PDE4D: variants seen among roughly 807,000 people sequenced by gnomAD.
PDE4D encodes the protein phosphodiesterase 4D.
PDE4D carries 24 observed loss-of-function variants against 87.4 expected under a neutral mutation model. The ratio of observed to expected loss-of-function variants is 0.27; its 90% CI spans 0.20 to 0.39. The LOEUF (loss-of-function observed/expected upper bound fraction) is 0.39, where lower values mean the gene tolerates loss of function less well. PDE4D is among the 10% of genes least tolerant of loss of function. The probability of loss-of-function intolerance (pLI) is 1.00; values close to 1 mark genes in which losing one functional copy is unlikely to be tolerated. For missense variants in PDE4D, 714 were observed against 1,041.0 expected (o/e 0.69, Z 4.32); for synonymous variants, 384 against 383.2 (o/e 1.00, Z -0.02).
intron 1 of PDE4D, among the ~76,000 whole-genome samples, chr5:59,651,964 T>C (rs933154317): frequency 6.6e-6 from 1 of 152,212 alleles, no homozygotes; most frequent in Non-Finnish European, 1.5e-5. Flanking sequence ...TTCCAGCATC[T>C]ACTATCAAGT....
Position 59,893,681 on chromosome 5 carries a change from G to C in PDE4D, c.-59C>G, listed in dbSNP as rs1030073056. ...CCGGGTTCACCGCGCTGGCCCGAGCGCCTTCCTGATGCTGCTGCTGCTGCT... is the reference window on the plus strand; with the variant it reads ...CCGGGTTCACCGCGCTGGCCCGAGCCCCTTCCTGATGCTGCTGCTGCTGCT... On this transcript the variant is annotated 5_prime_UTR_variant, in exon 1 of 15. Transcript: ENST00000340635. The C allele has an allele frequency of 3.4e-5, 47 of 1,400,624 alleles. No homozygotes were observed. The highest frequency in any genetic ancestry group is 2.3e-4 in the Middle Eastern group (1 of 4,406). The allele number at this position is 1,400,624 out of a possible 1,614,324, so 86.8% of individuals were successfully genotyped here. A position where few individuals can be genotyped will look rare whatever the true frequency, so the allele number is the denominator to read the frequency against.
chr5:59,683,169 G>A (rs1373066773), intron 1 of PDE4D, among the ~76,000 whole-genome samples: 1 of 152,178 alleles, frequency 6.6e-6, no homozygotes, highest in African/African-American at 2.4e-5. Flanking sequence ...TATCATGTCT[G>A]CAACTTGCTC....
At chr5:60,258,865 A>G (rs1205337054) in intron 1 of PDE4D, among the ~76,000 whole-genome samples, 1 of 151,980 alleles carries the variant, frequency 6.6e-6, no homozygotes, top group Non-Finnish European at 1.5e-5. Flanking sequence ...GTTTCAAATG[A>G]AAAAAATCAG....
chr5:58,982,055 C>CTGAT (rs1341356147), intron 11 of PDE4D, among the ~76,000 whole-genome samples: 2 of 152,128 alleles, frequency 1.3e-5, no homozygotes, highest in Non-Finnish European at 2.9e-5. Flanking sequence ...GTTGTGTCTC[C>CTGAT]TGATAGAAGC....
At chr5:59,916,458 A>G (rs1754054099) in intron 3 of PDE4D, among the ~76,000 whole-genome samples, 1 of 152,238 alleles carries the variant, frequency 6.6e-6, no homozygotes, top group Non-Finnish European at 1.5e-5. Flanking sequence ...ACAATAAGAC[A>G]TATAATAACT....
At position 59,917,906 on chromosome 5, in the gene PDE4D, C is replaced by A. The variant is rs138241237; in HGVS notation, c.272+70582G>T. On this transcript the variant is annotated intron_variant, in intron 3 of 16. Coordinates refer to the PDE4D transcript ENST00000502484. The stretch of plus-strand genomic sequence containing the variant: ...AATATAGAATAAAATGTTACGATTG[C>A]ATCTCTTTTTACAAACTGCTATAAA... 1.0e-3 allele frequency among the ~76,000 whole-genome samples: 153 copies of A among 152,044 alleles called. 1 individual carries two copies. Among genetic ancestry groups the A allele is most frequent in the African/African-American group, 3.6e-3 (149 of 41,528 alleles).
intron 5 of PDE4D, among the ~76,000 whole-genome samples, chr5:59,144,572 T>C (rs958365377): frequency 6.6e-6 from 1 of 152,192 alleles, no homozygotes; most frequent in African/African-American, 2.4e-5. Flanking sequence ...ATTAGCTTCA[T>C]AGTTAATTGG....
intron 2 of PDE4D, among the ~76,000 whole-genome samples, chr5:60,176,765 G>A (rs1783937116): frequency 6.6e-6 from 1 of 152,142 alleles, no homozygotes; most frequent in African/African-American, 2.4e-5. Flanking sequence ...GTTAAGGTCT[G>A]TGTCTGGAAC....
intron 1 of PDE4D, among the ~76,000 whole-genome samples, chr5:59,870,702 G>A (rs1441320580): frequency 1.3e-5 from 2 of 152,170 alleles, no homozygotes; most frequent in Non-Finnish European, 2.9e-5. Flanking sequence ...GCTCATTTGG[G>A]ATCACAAACG....
intron 1 of PDE4D, among the ~76,000 whole-genome samples, chr5:59,615,950 T>C (rs927738484): frequency 3.3e-5 from 5 of 152,084 alleles, no homozygotes; most frequent in African/African-American, 1.2e-4. Context: ...GTATTTTCCA[T>C]AAGCATCCAC....
intron 2 of PDE4D, among the ~76,000 whole-genome samples, chr5:60,129,911 T>C (rs1309991455): frequency 6.6e-6 from 1 of 152,156 alleles, no homozygotes; most frequent in South Asian, 2.1e-4. Context: ...CCAAAACTCA[T>C]CTGCTGAAAC....
At chr5:59,440,495 C>T (rs1360867199) in intron 1 of PDE4D, among the ~76,000 whole-genome samples, 2 of 152,134 alleles carry the variant, frequency 1.3e-5, no homozygotes, top group Admixed American at 6.5e-5. Context: ...TTTCATGTAA[C>T]ACTGGTCGCG....
rs1743037574 is a variant in PDE4D, at chr5:58,973,694, T to G, written c.*970A>C. ...TGATATAACACACATAAAAGTATTA[T>G]AGAACAAATAGTCACTTTGCACATG... On this transcript the variant is annotated 3_prime_UTR_variant, in exon 15 of 15. Transcript: ENST00000340635. 1 of 152,562 alleles carries G rather than the reference T, an allele frequency of 6.6e-6. No homozygotes were observed. Among genetic ancestry groups the G allele is most frequent in the Non-Finnish European group, 1.5e-5 (1 of 68,022 alleles). The allele number at this position is 152,562 out of a possible 1,614,324, so 9.5% of individuals were successfully genotyped here. A position where few individuals can be genotyped will look rare whatever the true frequency, so the allele number is the denominator to read the frequency against.
chr5:60,282,634 C>A (rs1438850338), intron 1 of PDE4D, among the ~76,000 whole-genome samples: 1 of 152,142 alleles, frequency 6.6e-6, no homozygotes, highest in Non-Finnish European at 1.5e-5. Flanking sequence ...TGGGGCCCAG[C>A]TGGATAATCC....
intron 1 of PDE4D, among the ~76,000 whole-genome samples, chr5:60,363,417 A>G (rs1760252138): frequency 6.6e-6 from 1 of 152,166 alleles, no homozygotes; most frequent in African/African-American, 2.4e-5. Flanking sequence ...TCAAGAGTCA[A>G]ACAGATTACA....
At chr5:59,950,525 A>C (rs1481839363) in intron 3 of PDE4D, among the ~76,000 whole-genome samples, 2 of 152,080 alleles carry the variant, frequency 1.3e-5, no homozygotes, top group Non-Finnish European at 2.9e-5. Flanking sequence ...CAGATACTCA[A>C]TTTTTGTCAA....
At chr5:60,346,208 G>A (rs79694859) in intron 1 of PDE4D, among the ~76,000 whole-genome samples, 5,059 of 152,056 alleles carry the variant, frequency 0.033, 127 homozygotes, top group Middle Eastern at 0.082. Flanking sequence ...TAAGTTTTTC[G>A]TTTATCTTAT....
intron 5 of PDE4D, among the ~76,000 whole-genome samples, chr5:59,045,885 CTT>C (rs1327046697): frequency 6.6e-6 from 1 of 152,176 alleles, no homozygotes; most frequent in Non-Finnish European, 1.5e-5. Flanking sequence ...AATTAAATAA[CTT>C]ATAGACCATT....
chr5:60,081,095 G>T (rs903464990), intron 2 of PDE4D, among the ~76,000 whole-genome samples: 2 of 151,982 alleles, frequency 1.3e-5, no homozygotes, highest in East Asian at 1.9e-4. Context: ...ACTTCTTCCT[G>T]GTTTTGTCTT....
Sources: allele counts gnomAD v4.1 joint callset (sites outside exome capture counted in the v4.1 genomes callset), GRCh38; gene constraint gnomAD v4.1.1; transcripts MANE v1.5; gene names NCBI Gene and HGNC (gene_info 2026-07-23, HGNC 2026-07-21).